KHDRBS3: variants seen among roughly 807,000 people sequenced by gnomAD.
KHDRBS3 encodes KH RNA binding domain containing, signal transduction associated 3.
A neutral mutation model predicts 45.6 loss-of-function variants in KHDRBS3; 23 were observed. The ratio of observed to expected loss-of-function variants is 0.50; its 90% CI spans 0.36 to 0.72. KHDRBS3 has a LOEUF of 0.72. Among genes scored for constraint, KHDRBS3 ranks in the 30% least tolerant of loss-of-function variants. The pLI is 0.00. For missense variants in KHDRBS3, 352 were observed against 424.8 expected, an observed-to-expected ratio of 0.83 and a Z score of 1.51; for synonymous variants, 162 against 156.5, an observed-to-expected ratio of 1.04 and a Z score of -0.26.
In KHDRBS3 at chr8:135,606,987, T is replaced by C. The variant is rs754426039; in HGVS notation, c.840T>C (p.Asp280=). The C allele has an allele frequency of 1.2e-6, 2 of 1,613,726 alleles. No individual in the cohort carries two copies. The highest frequency in any genetic ancestry group is 1.7e-6 in the Non-Finnish European group (2 of 1,179,746). Reference sequence around the variant, plus strand: ...ATGATGGATATGGCACTGCTTATGATGAACAGAGTTATGATTCCTATGATA... The same window carrying C: ...ATGATGGATATGGCACTGCTTATGACGAACAGAGTTATGATTCCTATGATA... ...DYDDGYGTAY[D]EQSYDSYDNS... is the part of the protein sequence containing the mutation. Residue 280 remains aspartate, a synonymous_variant, in exon 7 of 9, where the codon GAT becomes GAC. Transcript: ENST00000355849.
intron 6 of KHDRBS3, among the ~76,000 whole-genome samples, chr8:135,604,564 A>T (rs1171251082): frequency 2.7e-5 from 4 of 149,730 alleles, no homozygotes; most frequent in African/African-American, 9.8e-5. Flanking sequence ...CTTTTTCTAC[A>T]TTTTTATTTT....
chr8:135,637,722 G>T (rs1385299129), intron 7 of KHDRBS3, among the ~76,000 whole-genome samples: 1 of 152,134 alleles, frequency 6.6e-6, no homozygotes, highest in Non-Finnish European at 1.5e-5. Flanking sequence ...GTATCTGTTG[G>T]AATGCTGCTA....
chr8:135,615,623 A>G (rs1829885116), intron 7 of KHDRBS3, among the ~76,000 whole-genome samples: 1 of 152,208 alleles, frequency 6.6e-6, no homozygotes, highest in Non-Finnish European at 1.5e-5. Flanking sequence ...AATTGTAATG[A>G]TTAGATTATA....
At position 135,522,789 on chromosome 8, in the gene KHDRBS3, A is replaced by G. The variant is rs552031008; in HGVS notation, c.207+1434A>G. ...GTATTTTCTCTAAAAGTGTTATTGT[A>G]GCTTTTACTTTTAGGTCTATGATAG... On this transcript the variant is annotated intron_variant, in intron 2 of 8. Coordinates refer to ENST00000355849, the MANE Select transcript of KHDRBS3 (RefSeq NM_006558.3). Among the ~76,000 whole-genome samples the G allele has an allele frequency of 5.9e-5, 9 of 152,314 alleles. No homozygotes were observed. The South Asian group carries it at 1.9e-3, about 32-fold the overall frequency.
intron 7 of KHDRBS3, among the ~76,000 whole-genome samples, chr8:135,626,831 C>T (rs1830392663): frequency 6.8e-6 from 1 of 146,510 alleles, no homozygotes; most frequent in South Asian, 2.2e-4. Context: ...AAAAGAGGCA[C>T]AGTGGGAACT....
At chr8:135,623,419 G>A (rs1002081084) in intron 7 of KHDRBS3, among the ~76,000 whole-genome samples, 14 of 152,120 alleles carry the variant, frequency 9.2e-5, no homozygotes, top group Non-Finnish European at 1.9e-4. Flanking sequence ...GAAACCTTAC[G>A]CTTAACTAAT....
intron 1 of KHDRBS3, among the ~76,000 whole-genome samples, chr8:135,481,241 TATATATA>T (rs1252726281): frequency 0.015 from 2,051 of 135,522 alleles, 134 homozygotes; most frequent in African/African-American, 0.06. Flanking sequence ...TATATATATA[TATATATA>T]TATTTAATGT....
intron 2 of KHDRBS3, among the ~76,000 whole-genome samples, chr8:135,533,902 A>G (rs1410752852): frequency 6.6e-6 from 1 of 152,208 alleles, no homozygotes; most frequent in Non-Finnish European, 1.5e-5. Flanking sequence ...CCTGTTTTAT[A>G]ATGAAGTCTT....
intron 5 of KHDRBS3, among the ~76,000 whole-genome samples, chr8:135,567,002 C>T (rs141489471): frequency 1.3e-5 from 2 of 152,130 alleles, no homozygotes; most frequent in African/African-American, 4.8e-5. Flanking sequence ...TTTAATGGAC[C>T]CCAAGTGGTG....
intron 1 of KHDRBS3, among the ~76,000 whole-genome samples, chr8:135,493,742 GTTTTCT>G (rs1377958287): frequency 6.6e-6 from 1 of 152,070 alleles, no homozygotes; most frequent in African/African-American, 2.4e-5. Flanking sequence ...TTGGTATGTA[GTTTTCT>G]TTTTCTTGTA....
chr8:135,482,610 C>T (rs747580052), intron 1 of KHDRBS3, among the ~76,000 whole-genome samples: 5 of 151,984 alleles, frequency 3.3e-5, no homozygotes, highest in Non-Finnish European at 4.4e-5. Flanking sequence ...AGTTTTTGGG[C>T]GCGTGTGTAT....
intron 1 of KHDRBS3, among the ~76,000 whole-genome samples, chr8:135,516,341 C>T (rs6992764): frequency 6.6e-6 from 1 of 151,934 alleles, no homozygotes; most frequent in Non-Finnish European, 1.5e-5. Context: ...ATACATCTGG[C>T]AGCATGGAAG....
chr8:135,542,959 T>C (rs557243370), intron 3 of KHDRBS3, among the ~76,000 whole-genome samples, 189 bp downstream of exon 3: 4 of 152,342 alleles, frequency 2.6e-5, no homozygotes, highest in African/African-American at 7.2e-5. Context: ...TTTATAGTCA[T>C]ACATTAAATA....
At chr8:135,619,303 G>C (rs1347995474) in intron 7 of KHDRBS3, among the ~76,000 whole-genome samples, 1 of 151,890 alleles carries the variant, frequency 6.6e-6, no homozygotes, top group Non-Finnish European at 1.5e-5. Flanking sequence ...CAACCTTTTT[G>C]AAATAGTTTA....
intron 1 of KHDRBS3, among the ~76,000 whole-genome samples, chr8:135,469,535 T>TTTTTTTTA (rs1821897575): frequency 6.7e-5 from 6 of 89,234 alleles, no homozygotes; most frequent in African/African-American, 2.1e-4. Context: ...TTTTTTTTTT[T>TTTTTTTTA]TTTTTTTTTT....
chr8:135,645,912 A>G (rs932487914), intron 8 of KHDRBS3, among the ~76,000 whole-genome samples: 2 of 152,062 alleles, frequency 1.3e-5, no homozygotes, highest in Non-Finnish European at 2.9e-5. Context: ...ACAGAACGGA[A>G]AAACCATTTT....
chr8:135,645,013 C>CA (rs1831223230), intron 7 of KHDRBS3, 46 bp from the exon 8 acceptor site: 1 of 1,594,474 alleles, frequency 6.3e-7, no homozygotes, highest in Admixed American at 1.7e-5. Context: ...TGTTGAAACT[C>CA]ACAGCCAGAT....
chr8:135,542,485 C>A, intron 2 of KHDRBS3, 169 bp from the exon 3 acceptor site: 1 of 513,074 alleles, frequency 1.9e-6, no homozygotes, highest in Non-Finnish European at 3.5e-6. Context: ...CGTTTAGCCC[C>A]GTTTTATGTG....
At chr8:135,553,059 G>T (rs1308037760) in intron 4 of KHDRBS3, among the ~76,000 whole-genome samples, 1 of 152,104 alleles carries the variant, frequency 6.6e-6, no homozygotes, top group Non-Finnish European at 1.5e-5. Context: ...CATGCATATA[G>T]CCTTCCATCC....
Sources: gnomAD v4.1 joint callset for allele counts (sites outside exome capture counted in the v4.1 genomes callset) on GRCh38, gnomAD v4.1.1 for gene constraint, MANE v1.5 for transcripts, NCBI Gene and HGNC (gene_info 2026-07-23, HGNC 2026-07-21) for gene names.